Variants in UST observed in about 807,000 individuals in gnomAD.
UST encodes the protein chondroitin sulfate 2-O-sulfotransferase.
Under a neutral mutation model 45.6 loss-of-function variants are expected in UST, and 21 were observed. That is an observed-to-expected ratio of 0.46 (90% CI 0.33 to 0.66). UST has a LOEUF of 0.66. Among genes scored for constraint, UST ranks in the 30% least tolerant of loss-of-function variants. The pLI, the probability that UST is intolerant of heterozygous loss-of-function variation, is 0.02. For missense variants in UST, 463 were observed against 512.4 expected (o/e 0.90, Z 0.93); for synonymous variants, 215 against 200.6 (o/e 1.07, Z -0.61).
chr6:149,075,716 G>A lies in UST; in HGVS notation c.*1600G>A, dbSNP rs1222014260. 6 of 152,170 alleles carry A rather than the reference G, an allele frequency of 3.9e-5. No individual in the cohort carries two copies. Among genetic ancestry groups the A allele is most frequent in the Admixed American group, 2.0e-4 (3 of 15,278 alleles). The allele number at this position is 152,170 out of a possible 1,614,324, so 9.4% of individuals were successfully genotyped here. On this transcript the variant is annotated 3_prime_UTR_variant, in exon 8 of 8. Transcript: ENST00000367463. ...ACGATAAACAGCTAGCTAAGAAGCC[G>A]AGGTTCAGTGGTGGCAGCAGGAAGG...
chr6:148,922,944 C>T (rs973225814), intron 2 of UST, among the ~76,000 whole-genome samples: 1 of 152,100 alleles, frequency 6.6e-6, no homozygotes, highest in African/African-American at 2.4e-5. Flanking sequence ...AGGCATGCCC[C>T]ATGACACCTG....
intron 1 of UST, among the ~76,000 whole-genome samples, chr6:148,878,263 A>AG (rs1778742004): frequency 2.9e-5 from 1 of 34,284 alleles, no homozygotes; most frequent in Non-Finnish European, 5.2e-5. Flanking sequence ...ATGAGTGCGG[A>AG]GATCGTGTAT....
intron 1 of UST, among the ~76,000 whole-genome samples, chr6:148,841,581 G>GT (rs770638985): frequency 0.026 from 2,857 of 111,198 alleles, 103 homozygotes; most frequent in African/African-American, 0.089. Context: ...GGTCTGTTTT[G>GT]TTTTTGTTTT....
At chr6:148,942,608 T>A in intron 3 of UST, among the ~76,000 whole-genome samples, 1 of 152,068 alleles carries the variant, frequency 6.6e-6, no homozygotes, top group Non-Finnish European at 1.5e-5. Context: ...TAAATTTCCA[T>A]CCATGTCCAT....
intron 1 of UST, among the ~76,000 whole-genome samples, chr6:148,791,912 G>T (rs925131858): frequency 6.6e-6 from 1 of 152,142 alleles, no homozygotes; most frequent in Non-Finnish European, 1.5e-5. Flanking sequence ...CATGATGCAG[G>T]ATGCTGTATC....
chr6:149,055,244 G>C (rs950192812), intron 7 of UST, among the ~76,000 whole-genome samples: 1 of 152,182 alleles, frequency 6.6e-6, no homozygotes, highest in Non-Finnish European at 1.5e-5. Flanking sequence ...TGCGTGACTT[G>C]AGGAAGAGGA....
intron 1 of UST, among the ~76,000 whole-genome samples, chr6:148,870,466 G>A (rs977654978): frequency 5.9e-5 from 9 of 152,170 alleles, no homozygotes; most frequent in African/African-American, 9.7e-5. Flanking sequence ...GTTTCAAGTC[G>A]TAAACACATC....
In UST at chr6:148,990,452, T is replaced by C. The variant is rs574725430; in HGVS notation, c.681+25889T>C. 4.2e-4 allele frequency: 415 copies of C among 980,608 alleles called. 3 individuals carry two copies. The South Asian group carries it at 0.012, about 28-fold the overall frequency. 60.7% of individuals were successfully genotyped at this position (980,608 alleles called of 1,614,324 possible). ...AAGGTAACTAGATGGTATTTTTCCA[T>C]TAGCTGCTTGACCTCTTTAACGTGA... On this transcript the variant is annotated intron_variant, in intron 5 of 7. Transcript: ENST00000367463.
chr6:148,977,548 G>A (rs547380128), intron 5 of UST, among the ~76,000 whole-genome samples: 4 of 151,928 alleles, frequency 2.6e-5, no homozygotes, highest in South Asian at 2.1e-4. Flanking sequence ...TCAGGAGATC[G>A]AGCCCATCCT....
At chr6:149,021,993 A>G (rs1775988606) in intron 7 of UST, among the ~76,000 whole-genome samples, 1 of 152,380 alleles carries the variant, frequency 6.6e-6, no homozygotes, top group African/African-American at 2.4e-5. Flanking sequence ...TAGAGCAGCA[A>G]ATTGAAAATA....
chr6:148,936,842 C>A (rs991179573), intron 2 of UST, among the ~76,000 whole-genome samples: 2 of 151,968 alleles, frequency 1.3e-5, no homozygotes, highest in African/African-American at 4.8e-5. Flanking sequence ...ACTACAGGCA[C>A]CTGCCACCAC....
At chr6:148,822,190 C>T (rs113416060) in intron 1 of UST, among the ~76,000 whole-genome samples, 31 of 152,246 alleles carry the variant, frequency 2.0e-4, no homozygotes, top group Non-Finnish European at 2.9e-4. Context: ...AGTGTATACA[C>T]GTGCACACAC....
At chr6:148,993,542 C>T (rs1252446201) in intron 5 of UST, among the ~76,000 whole-genome samples, 3 of 152,038 alleles carry the variant, frequency 2.0e-5, no homozygotes, top group Non-Finnish European at 4.4e-5. Flanking sequence ...AGGATAAAAC[C>T]AATAACAAGC....
At chr6:149,039,754 G>T (rs774258798) in intron 7 of UST, among the ~76,000 whole-genome samples, 1 of 152,168 alleles carries the variant, frequency 6.6e-6, no homozygotes, top group Non-Finnish European at 1.5e-5. Context: ...GGAAACTGTC[G>T]CTGTGGCCCC....
At chr6:148,817,533 A>G (rs1391604670) in intron 1 of UST, among the ~76,000 whole-genome samples, 1 of 152,208 alleles carries the variant, frequency 6.6e-6, no homozygotes, top group Non-Finnish European at 1.5e-5. Context: ...GGTTGGGTTC[A>G]GAAAGTCAGG....
chr6:149,005,993 G>T (rs1175569586), intron 5 of UST, among the ~76,000 whole-genome samples: 2 of 152,172 alleles, frequency 1.3e-5, no homozygotes, highest in African/African-American at 4.8e-5. Context: ...TGGCCAAAGA[G>T]GTCCTTGTAA....
intron 1 of UST, among the ~76,000 whole-genome samples, chr6:148,818,333 G>A (rs1158356094): frequency 6.6e-6 from 1 of 152,148 alleles, no homozygotes; most frequent in Non-Finnish European, 1.5e-5. Flanking sequence ...TTGGACCCTC[G>A]ATGTGTACAC....
intron 7 of UST, among the ~76,000 whole-genome samples, chr6:149,040,982 C>T (rs999100695): frequency 1.3e-5 from 2 of 152,304 alleles, no homozygotes; most frequent in Middle Eastern, 3.4e-3. Flanking sequence ...CCTGTGCATC[C>T]CCGTAAGACC....
intron 7 of UST, among the ~76,000 whole-genome samples, chr6:149,021,704 T>G (rs1775984043): frequency 6.6e-6 from 1 of 152,266 alleles, no homozygotes; most frequent in South Asian, 2.1e-4. Context: ...AAAGGCTTAA[T>G]GGCTCCATTT....
Sources: gnomAD v4.1 joint callset for allele counts (sites outside exome capture counted in the v4.1 genomes callset) on GRCh38, gnomAD v4.1.1 for gene constraint, MANE v1.5 for transcripts, NCBI Gene and HGNC (gene_info 2026-07-23, HGNC 2026-07-21) for gene names.